The following KCNMB4 variants were observed in gnomAD, a reference collection of about 807,000 sequenced individuals.
KCNMB4 encodes the protein potassium calcium-activated channel subfamily M regulatory beta subunit 4.
KCNMB4 carries 3 observed loss-of-function variants against 20.7 expected under a neutral mutation model. The ratio of observed to expected loss-of-function variants is 0.14; its 90% CI spans 0.07 to 0.37. The LOEUF (loss-of-function observed/expected upper bound fraction) is 0.37. Among genes scored for constraint, KCNMB4 ranks in the 10% least tolerant of loss-of-function variants. The probability of loss-of-function intolerance (pLI) is 1.00; values close to 1 mark genes in which losing one functional copy is unlikely to be tolerated. For missense variants in KCNMB4, 168 were observed against 265.9 expected (o/e 0.63, Z 2.56); for synonymous variants, 110 against 113.4 (o/e 0.97, Z 0.19).
intron 1 of KCNMB4, among the ~76,000 whole-genome samples, chr12:70,370,547 C>T (rs1883574153): frequency 6.6e-6 from 1 of 152,062 alleles, no homozygotes; most frequent in African/African-American, 2.4e-5. Context: ...ACCTCGTGAT[C>T]CACCCCTGCC....
At chr12:70,409,033 T>C (rs990478335) in intron 2 of KCNMB4, among the ~76,000 whole-genome samples, 4 of 152,224 alleles carry the variant, frequency 2.6e-5, no homozygotes, top group Non-Finnish European at 5.9e-5. Context: ...CTATTCATTC[T>C]TCAATTCCCT....
intron 1 of KCNMB4, among the ~76,000 whole-genome samples, chr12:70,389,848 T>A (rs1441473804): frequency 6.6e-6 from 1 of 152,194 alleles, no homozygotes. Flanking sequence ...CTTTCTTAAT[T>A]TATTTCTTTG....
At position 70,366,842 on chromosome 12, in the gene KCNMB4, C is replaced by T. The variant is rs1883503412; in HGVS notation, c.108C>T (p.Gly36=). Residue 36 remains glycine, a synonymous_variant, in exon 1 of 3, where the codon GGC becomes GGT. Transcript: ENST00000258111. ...GCGTCGTGTCGCTCTTCATCTTCGG[C>T]TTCTGCTGGCTGAGTCCCGCGCTGC... is the stretch of plus-strand genomic sequence containing the variant. ...ISGVVSLFIF[G]FCWLSPALQD... is the part of the protein sequence containing the mutation. 1.2e-6 allele frequency: 2 copies of T among 1,613,090 alleles called. No homozygotes were observed. The highest frequency in any genetic ancestry group is 2.2e-5 in the South Asian group (2 of 91,072).
At chr12:70,367,721 C>A (rs186686582) in intron 1 of KCNMB4, among the ~76,000 whole-genome samples, 1 of 151,956 alleles carries the variant, frequency 6.6e-6, no homozygotes, top group African/African-American at 2.4e-5. Flanking sequence ...CTACAGGGAG[C>A]CTAGTTACCC....
rs77643471 is a variant in KCNMB4, at chr12:70,417,849, G to A, written c.465-12636G>A. On this transcript the variant is annotated intron_variant, in intron 2 of 2. Coordinates refer to ENST00000258111, the MANE Select transcript of KCNMB4 (RefSeq NM_014505.6). ...CAGGGTGTGATGCTCTTCTAGGAGC[G>A]GGAATACTGGGAAAAAAATCCAGGT... Among the ~76,000 whole-genome samples the A allele has an allele frequency of 1.2e-4, 19 of 152,170 alleles. No individual in the cohort carries two copies. In the East Asian group the frequency reaches 3.1e-3, roughly 25 times the overall value.
At position 70,432,247 on chromosome 12, in the gene KCNMB4, G is replaced by C. The variant is rs1869388537; in HGVS notation, c.*1594G>C. On this transcript the variant is annotated 3_prime_UTR_variant, in exon 3 of 3. Transcript: ENST00000258111. ...GGGTTTCACCGTGTTAGCCAGGATG[G>C]TCTCAATCTCCTGACCTTGTGATCT... 1 of 152,098 alleles carries C rather than the reference G, an allele frequency of 6.6e-6. No individual in the cohort carries two copies. Among genetic ancestry groups the C allele is most frequent in the Non-Finnish European group, 1.5e-5 (1 of 68,120 alleles). 9.4% of individuals were successfully genotyped at this position (152,098 alleles called of 1,614,324 possible). A position where few individuals can be genotyped will look rare whatever the true frequency, so the allele number is the denominator to read the frequency against.
chr12:70,419,733 A>C (rs1326124770), intron 2 of KCNMB4, among the ~76,000 whole-genome samples: 1 of 152,228 alleles, frequency 6.6e-6, no homozygotes, highest in Non-Finnish European at 1.5e-5. Context: ...TTGATAAAAA[A>C]TAAAGTTGAA....
chr12:70,371,120 G>T (rs1883585761), intron 1 of KCNMB4, among the ~76,000 whole-genome samples: 2 of 152,176 alleles, frequency 1.3e-5, no homozygotes, highest in Non-Finnish European at 2.9e-5. Flanking sequence ...GCCTCCCAAA[G>T]TGCTGGGATT....
intron 2 of KCNMB4, among the ~76,000 whole-genome samples, chr12:70,410,099 T>C (rs1868731547): frequency 6.6e-6 from 1 of 152,188 alleles, no homozygotes; most frequent in Non-Finnish European, 1.5e-5. Context: ...CTTCTGGGAA[T>C]TAGCACAGCA....
chr12:70,382,171 C>A (rs911321083), intron 1 of KCNMB4, among the ~76,000 whole-genome samples: 1 of 151,946 alleles, frequency 6.6e-6, no homozygotes, highest in Non-Finnish European at 1.5e-5. Context: ...GGTGGCCGGG[C>A]GCGGTGGCTC....
intron 2 of KCNMB4, among the ~76,000 whole-genome samples, chr12:70,414,945 G>A (rs1218140643): frequency 6.6e-6 from 1 of 152,056 alleles, no homozygotes; most frequent in African/African-American, 2.4e-5. Flanking sequence ...TATCTTAATT[G>A]TAAGTCAAAA....
chr12:70,425,222 G>A (rs1408236295), intron 2 of KCNMB4, among the ~76,000 whole-genome samples: 1 of 151,932 alleles, frequency 6.6e-6, no homozygotes, highest in East Asian at 1.9e-4. Context: ...AGATCACAAG[G>A]TCAGGAGATC....
intron 1 of KCNMB4, among the ~76,000 whole-genome samples, chr12:70,384,873 C>CAAAAAAAAAAAAAAAAAAAA (rs57306622): frequency 1.6e-4 from 12 of 74,280 alleles, no homozygotes; most frequent in East Asian, 3.9e-4. Flanking sequence ...GACCCTGTCT[C>CAAAAAAAAAAAAAAAAAAAA]AAAAAAAAAA....
At chr12:70,412,265 A>G (rs1434672705) in intron 2 of KCNMB4, among the ~76,000 whole-genome samples, 1 of 152,164 alleles carries the variant, frequency 6.6e-6, no homozygotes, top group Non-Finnish European at 1.5e-5. Context: ...CTGCTTTCTG[A>G]TGCCACAACA....
intron 1 of KCNMB4, among the ~76,000 whole-genome samples, chr12:70,387,603 T>C (rs921487846): frequency 6.6e-6 from 1 of 151,998 alleles, no homozygotes; most frequent in Non-Finnish European, 1.5e-5. Context: ...GGTTTTACCA[T>C]GTTGGTAAGG....
rs530975562 is a variant in KCNMB4 at position 70,379,948 on chromosome 12, G to A, written c.336+12878G>A. On this transcript the variant is annotated intron_variant, in intron 1 of 2. Coordinates refer to ENST00000258111, the MANE Select transcript of KCNMB4 (RefSeq NM_014505.6). ...AGGCTGTTTCACTTTCTTATCATTC[G>A]TGTGTTCACTAGAGTAGCACTTTGA... is the stretch of plus-strand genomic sequence containing the variant. Among the ~76,000 whole-genome samples the A allele has an allele frequency of 9.9e-5, 15 of 152,162 alleles. No homozygotes were observed. The South Asian group carries it at 1.0e-3, about 11-fold the overall frequency.
chr12:70,369,208 A>T (rs569730031), intron 1 of KCNMB4, among the ~76,000 whole-genome samples: 41 of 152,240 alleles, frequency 2.7e-4, no homozygotes, highest in Non-Finnish European at 4.8e-4. Context: ...TATCCAGATT[A>T]TAATTATGTT....
chr12:70,401,037 T>A (rs1369278821), intron 2 of KCNMB4, among the ~76,000 whole-genome samples: 1 of 152,118 alleles, frequency 6.6e-6, no homozygotes, highest in Non-Finnish European at 1.5e-5. Context: ...GTATTTTTGT[T>A]TGTTTTTAGA....
chr12:70,406,386 A>G (rs990257956), intron 2 of KCNMB4, among the ~76,000 whole-genome samples: 1 of 152,224 alleles, frequency 6.6e-6, no homozygotes, highest in African/African-American at 2.4e-5. Flanking sequence ...AGGAGTGGAT[A>G]TAGAGAAATA....
Sources: allele counts gnomAD v4.1 joint callset (sites outside exome capture counted in the v4.1 genomes callset), GRCh38; gene constraint gnomAD v4.1.1; transcripts MANE v1.5; gene names NCBI Gene and HGNC (gene_info 2026-07-23, HGNC 2026-07-21).